The following OSBPL9 variants were observed in gnomAD, a reference collection of about 807,000 sequenced individuals.
OSBPL9 encodes the protein oxysterol binding protein like 9.
A neutral mutation model predicts 106.6 loss-of-function variants in OSBPL9; 40 were observed. The ratio of observed to expected loss-of-function variants is 0.38; its 90% CI spans 0.29 to 0.49. The LOEUF (loss-of-function observed/expected upper bound fraction) is 0.49. Among genes scored for constraint, OSBPL9 ranks in the 20% least tolerant of loss-of-function variants. The pLI is 0.97. For missense variants in OSBPL9, 609 were observed against 887.2 expected (o/e 0.69, Z 3.98); for synonymous variants, 269 against 295.4 (o/e 0.91, Z 0.92).
At chr1:51,734,931 A>T (rs1235741493) in intron 4 of OSBPL9, among the ~76,000 whole-genome samples, 1 of 152,176 alleles carries the variant, frequency 6.6e-6, no homozygotes, top group Non-Finnish European at 1.5e-5. Context: ...TCTGTAACAG[A>T]ATATTGTTCC....
At chr1:51,780,721 C>T (rs1275015871) in intron 15 of OSBPL9, among the ~76,000 whole-genome samples, 5 of 152,002 alleles carry the variant, frequency 3.3e-5, no homozygotes, top group African/African-American at 1.2e-4. Context: ...GCCGAGATCA[C>T]GCCACTGCAC....
intron 1 of OSBPL9, among the ~76,000 whole-genome samples, chr1:51,580,927 TATATATATATATATATATATATATATA>T (rs1489157770): frequency 0.5 from 800 of 1,604 alleles, 160 homozygotes; most frequent in Middle Eastern, 1. Context: ...TATATATATA[TATATATATATATATATATATATATATA>T]ACTTTTTTGA....
At chr1:51,521,817 G>A in the OSBPL9 span, among the ~76,000 whole-genome samples, 1 of 152,138 alleles carries the variant, frequency 6.6e-6, no homozygotes, top group East Asian at 1.9e-4. Context: ...GAGTGCAACG[G>A]TGCAATCTCG....
At chr1:51,555,479 G>A in the OSBPL9 span, among the ~76,000 whole-genome samples, 2 of 151,964 alleles carry the variant, frequency 1.3e-5, no homozygotes, top group Non-Finnish European at 2.9e-5. Flanking sequence ...AACAAAAAAG[G>A]TTCTCTCCTT....
chr1:51,663,215 G>A (rs917562246), intron 2 of OSBPL9, among the ~76,000 whole-genome samples: 1 of 151,998 alleles, frequency 6.6e-6, no homozygotes, highest in Admixed American at 6.6e-5. Flanking sequence ...AATTTAAAAA[G>A]ACCTAAATAA....
intron 2 of OSBPL9, among the ~76,000 whole-genome samples, chr1:51,603,724 G>C (rs17106699): frequency 1.1e-3 from 165 of 152,302 alleles, no homozygotes; most frequent in African/African-American, 3.6e-3. Context: ...TTCAGCCGGG[G>C]TCTTCTGGCT....
chr1:51,520,993 C>G, the OSBPL9 span, among the ~76,000 whole-genome samples: 1 of 152,188 alleles, frequency 6.6e-6, no homozygotes, highest in African/African-American at 2.4e-5. Flanking sequence ...GTGTTTCTAC[C>G]GGTGTTTTCT....
intron 3 of OSBPL9, among the ~76,000 whole-genome samples, chr1:51,708,791 T>G (rs201292451): frequency 6.6e-6 from 1 of 152,214 alleles, no homozygotes; most frequent in African/African-American, 2.4e-5. Flanking sequence ...AAAAAGCTTT[T>G]CTTTTAGTGA....
At chr1:51,666,391 C>T (rs1357372169) in intron 2 of OSBPL9, among the ~76,000 whole-genome samples, 1 of 152,018 alleles carries the variant, frequency 6.6e-6, no homozygotes, top group Non-Finnish European at 1.5e-5. Context: ...GAAGAATGAC[C>T]TTAAAAAGTG....
At chr1:51,612,020 C>G (rs1643991707) in intron 2 of OSBPL9, among the ~76,000 whole-genome samples, 2 of 152,076 alleles carry the variant, frequency 1.3e-5, no homozygotes, top group South Asian at 4.1e-4. Flanking sequence ...CAAAACTTGG[C>G]TAAATGATTA....
intron 7 of OSBPL9, chr1:51,749,564 G>T: frequency 5.0e-6 from 2 of 399,344 alleles, no homozygotes; most frequent in Non-Finnish European, 1.1e-5. Flanking sequence ...TCCTTCCTTG[G>T]CCTACCAAAG....
At chr1:51,750,318 G>A in intron 8 of OSBPL9, 123 bp downstream of exon 8, 1 of 591,784 alleles carries the variant, frequency 1.7e-6, no homozygotes, top group South Asian at 2.3e-5. Context: ...AAACTGTATT[G>A]TGAGCTTATT....
chr1:51,712,294 C>G (rs939796546), intron 3 of OSBPL9, among the ~76,000 whole-genome samples: 10 of 152,130 alleles, frequency 6.6e-5, no homozygotes, highest in Non-Finnish European at 1.2e-4. Context: ...CGCAGGCACT[C>G]GGCAGGCTGA....
At position 51,577,505 on chromosome 1, in the gene OSBPL9, C is replaced by T. The variant is rs375779081; in HGVS notation, c.-423+249C>T. On this transcript the variant is annotated intron_variant, in intron 1 of 25. Coordinates refer to the OSBPL9 transcript ENST00000371714. ...AGCCAGGATGGTCTCCGTCTCCTGA[C>T]CTCGTGATCCACCCACCTAGGCCTC... is the stretch of plus-strand genomic sequence containing the variant. 7.2e-5 allele frequency among the ~76,000 whole-genome samples: 11 copies of T among 152,016 alleles called. 1 individual carries two copies. Among genetic ancestry groups the T allele is most frequent in the African/African-American group, 2.7e-4 (11 of 41,448 alleles).
chr1:51,737,799 A>G (rs891234455), intron 4 of OSBPL9, among the ~76,000 whole-genome samples: 2 of 151,982 alleles, frequency 1.3e-5, no homozygotes, highest in African/African-American at 2.4e-5. Context: ...TAAAAAGGCA[A>G]TTTGCTGGAT....
intron 4 of OSBPL9, among the ~76,000 whole-genome samples, chr1:51,719,569 A>G (rs1445894352): frequency 6.6e-6 from 1 of 152,112 alleles, no homozygotes; most frequent in Non-Finnish European, 1.5e-5. Context: ...AGTTTCCTAT[A>G]TTGTAAAAAA....
At chr1:51,627,666 CATTAATGT>C (rs975595228) in intron 1 of OSBPL9, among the ~76,000 whole-genome samples, 1 of 151,618 alleles carries the variant, frequency 6.6e-6, no homozygotes, top group African/African-American at 2.4e-5. Flanking sequence ...CTGACTTTTT[CATTAATGT>C]ATTAACATGT....
chr1:51,733,923 A>G (rs1665061181), intron 4 of OSBPL9, among the ~76,000 whole-genome samples: 1 of 152,178 alleles, frequency 6.6e-6, no homozygotes, highest in Non-Finnish European at 1.5e-5. Flanking sequence ...CATAGGAAAA[A>G]GCATGTAGGC....
At chr1:51,532,931 G>A in the OSBPL9 span, among the ~76,000 whole-genome samples, 1 of 152,034 alleles carries the variant, frequency 6.6e-6, no homozygotes, top group African/African-American at 2.4e-5. Context: ...GATTTAGAAA[G>A]ATAAGTAAAA....
Sources: allele counts gnomAD v4.1 joint callset (sites outside exome capture counted in the v4.1 genomes callset), GRCh38; gene constraint gnomAD v4.1.1; transcripts MANE v1.5; gene names NCBI Gene and HGNC (gene_info 2026-07-23, HGNC 2026-07-21).